The following GALNTL6 variants were observed in gnomAD, a reference collection of about 807,000 sequenced individuals.
GALNTL6 encodes polypeptide N-acetylgalactosaminyltransferase like 6, also known as polypeptide N-acetylgalactosaminyltransferase-like 6.
In GALNTL6, 46 loss-of-function variants were observed where a neutral mutation model predicts 73.7. That is an observed-to-expected ratio of 0.62 (90% CI 0.49 to 0.80). The LOEUF (loss-of-function observed/expected upper bound fraction) is 0.80, where lower values mean the gene tolerates loss of function less well. GALNTL6 is among the 30% of genes least tolerant of loss of function. The probability of loss-of-function intolerance (pLI) is 0.00; values close to 1 mark genes in which losing one functional copy is unlikely to be tolerated. For missense variants in GALNTL6, 604 were observed against 755.0 expected (o/e 0.80, Z 2.34); for synonymous variants, 259 against 263.7 (o/e 0.98, Z 0.17).
At chr4:172,471,533 A>G (rs1733050615) in intron 5 of GALNTL6, among the ~76,000 whole-genome samples, 1 of 152,062 alleles carries the variant, frequency 6.6e-6, no homozygotes, top group Non-Finnish European at 1.5e-5. Flanking sequence ...TTCTGTATTT[A>G]GCCAAATTTT....
Position 172,481,143 on chromosome 4 carries a change from G to A in GALNTL6, c.553+132454G>A, listed in dbSNP as rs113923094. On this transcript the variant is annotated intron_variant, in intron 5 of 12. Coordinates refer to ENST00000506823, the MANE Select transcript of GALNTL6 (RefSeq NM_001034845.3). ...TGTTCGGAGTTTCTTCCTTCTGGTG[G>A]GTTCGTGGTCTTGCTGGCTTCAGGA... 7.3e-3 allele frequency among the ~76,000 whole-genome samples: 1,118 copies of A among 152,172 alleles called. 18 individuals carry two copies. The highest frequency in any genetic ancestry group is 0.025 in the African/African-American group (1,050 of 41,494).
chr4:172,427,111 A>G (rs1462597688), intron 5 of GALNTL6, among the ~76,000 whole-genome samples: 1 of 152,184 alleles, frequency 6.6e-6, no homozygotes, highest in Non-Finnish European at 1.5e-5. Flanking sequence ...CATAAAATGC[A>G]AAGTTTTATA....
intron 9 of GALNTL6, among the ~76,000 whole-genome samples, chr4:172,950,869 T>C (rs1023182047): frequency 6.6e-6 from 1 of 152,180 alleles, no homozygotes; most frequent in East Asian, 1.9e-4. Flanking sequence ...AAAGAAGAAT[T>C]TGAACAGGAC....
intron 10 of GALNTL6, among the ~76,000 whole-genome samples, chr4:173,002,323 G>C: frequency 6.6e-6 from 1 of 151,964 alleles, no homozygotes; most frequent in East Asian, 1.9e-4. Context: ...CCAGGAGGTG[G>C]AGAGTACAGT....
chr4:172,729,372 T>A (rs2111384031), intron 5 of GALNTL6, among the ~76,000 whole-genome samples: 1 of 152,314 alleles, frequency 6.6e-6, no homozygotes, highest in African/African-American at 2.4e-5. Flanking sequence ...GGTCTTAGAT[T>A]CAAGTTTTTA....
chr4:172,748,972 T>A (rs1737272209), intron 5 of GALNTL6, among the ~76,000 whole-genome samples: 2 of 152,002 alleles, frequency 1.3e-5, no homozygotes, highest in South Asian at 4.1e-4. Flanking sequence ...TGCAGTGGCA[T>A]GATCTTGGCT....
chr4:171,957,246 T>C (rs914001970), intron 2 of GALNTL6, among the ~76,000 whole-genome samples: 1 of 152,226 alleles, frequency 6.6e-6, no homozygotes, highest in Non-Finnish European at 1.5e-5. Context: ...TAAATCATGT[T>C]AAATTAATAA....
At chr4:171,909,068 G>T (rs1006482862) in intron 2 of GALNTL6, among the ~76,000 whole-genome samples, 1 of 149,510 alleles carries the variant, frequency 6.7e-6, no homozygotes, top group Non-Finnish European at 1.5e-5. Flanking sequence ...TGGGTGCAGC[G>T]CACCAGCATG....
intron 5 of GALNTL6, among the ~76,000 whole-genome samples, chr4:172,554,554 T>A (rs1736076315): frequency 1.3e-5 from 2 of 152,182 alleles, no homozygotes; most frequent in Non-Finnish European, 2.9e-5. Context: ...GACAGAATAT[T>A]AGTAGCTACC....
chr4:172,685,212 A>G (rs1256639189), intron 5 of GALNTL6, among the ~76,000 whole-genome samples: 1 of 152,162 alleles, frequency 6.6e-6, no homozygotes, highest in Non-Finnish European at 1.5e-5. Context: ...GTATATTCTT[A>G]TTTTTGAACC....
chr4:172,037,974 C>G (rs190216692), intron 2 of GALNTL6, among the ~76,000 whole-genome samples: 1 of 152,144 alleles, frequency 6.6e-6, no homozygotes, highest in East Asian at 1.9e-4. Context: ...CAAAAATTAG[C>G]TGGGAGTGGT....
intron 5 of GALNTL6, among the ~76,000 whole-genome samples, chr4:172,790,433 A>G (rs891422542): frequency 2.6e-5 from 4 of 152,226 alleles, no homozygotes; most frequent in African/African-American, 9.7e-5. Flanking sequence ...ACACAGAGGA[A>G]AGAACATTTG....
chr4:172,906,777 C>T (rs1746917883), intron 8 of GALNTL6, among the ~76,000 whole-genome samples: 1 of 152,242 alleles, frequency 6.6e-6, no homozygotes, highest in South Asian at 2.1e-4. Flanking sequence ...TGACAACTTA[C>T]TTCTTCAAGG....
At chr4:172,778,963 C>T (rs1368392148) in intron 5 of GALNTL6, among the ~76,000 whole-genome samples, 2 of 140,860 alleles carry the variant, frequency 1.4e-5, no homozygotes, top group Non-Finnish European at 3.3e-5. Context: ...TTTTTTACTA[C>T]CACCCCCCTT....
At chr4:172,418,738 G>A (rs568285697) in intron 5 of GALNTL6, among the ~76,000 whole-genome samples, 4 of 152,166 alleles carry the variant, frequency 2.6e-5, no homozygotes, top group African/African-American at 7.2e-5. Flanking sequence ...ATTATACTCC[G>A]ATACATGGGT....
chr4:172,017,284 G>A (rs1741226898), intron 2 of GALNTL6, among the ~76,000 whole-genome samples: 1 of 152,122 alleles, frequency 6.6e-6, no homozygotes, highest in Admixed American at 6.5e-5. Flanking sequence ...TCTTGTCCTA[G>A]TGTTTCAGCC....
chr4:172,990,462 T>C (rs962969107), intron 10 of GALNTL6, among the ~76,000 whole-genome samples: 3 of 152,196 alleles, frequency 2.0e-5, no homozygotes, highest in Non-Finnish European at 2.9e-5. Context: ...AAAAAGGTTA[T>C]TTGGGTCTTC....
intron 9 of GALNTL6, among the ~76,000 whole-genome samples, chr4:172,935,485 A>C (rs1306702932): frequency 1.3e-5 from 2 of 152,068 alleles, no homozygotes; most frequent in African/African-American, 4.8e-5. Context: ...AAATCAATGA[A>C]TCCAGGAGCT....
chr4:172,641,080 C>G (rs1468406919), intron 5 of GALNTL6, among the ~76,000 whole-genome samples: 1 of 152,008 alleles, frequency 6.6e-6, no homozygotes. Flanking sequence ...ACTAGAAAGT[C>G]ATGTCACTCT....
Sources: allele counts gnomAD v4.1 joint callset (sites outside exome capture counted in the v4.1 genomes callset), GRCh38; gene constraint gnomAD v4.1.1; transcripts MANE v1.5; gene names NCBI Gene and HGNC (gene_info 2026-07-23, HGNC 2026-07-21).